The following MCC variants were observed in gnomAD, a reference collection of about 807,000 sequenced individuals.
MCC encodes the protein colorectal mutant cancer protein.
In MCC, 90 loss-of-function variants were observed where a neutral mutation model predicts 116.2. The ratio of observed to expected loss-of-function variants is 0.77; its 90% confidence interval spans 0.65 to 0.92. The LOEUF is 0.92. Among genes scored for constraint, MCC ranks in the 40% least tolerant of loss-of-function variants. MCC has a pLI of 0.00. For synonymous variants in MCC, 578 were observed against 510.5 expected (o/e 1.13, Z -1.78); for missense variants, 1,516 against 1,312.2 (o/e 1.16, Z -2.40).
chr5:113,187,241 T>A (rs1014281790), intron 3 of MCC, among the ~76,000 whole-genome samples: 1 of 152,172 alleles, frequency 6.6e-6, no homozygotes, highest in Non-Finnish European at 1.5e-5. Context: ...CCTGAGCAGT[T>A]GGGATTACAA....
rs747962564 is a variant in MCC at position 113,053,852 on chromosome 5, T to A, written c.2321A>T (p.Lys774Met). Residue 774 changes from lysine to methionine, a missense_variant, in exon 15 of 19, where the codon AAG becomes ATG. Lys to Met is a moderately conservative substitution (Grantham distance 95, BLOSUM62 -1). Transcript: ENST00000408903. ...GCTTTCCAGCTCCAGCATGGTCAGC[T>A]TGACCGCAGCCCTGTCATTCTTGAG... ...QQLKNDRAAVKLTMLELESIH... is the reference protein window; with the variant it reads ...QQLKNDRAAVMLTMLELESIH... The A allele has an allele frequency of 1.2e-6, 2 of 1,614,180 alleles. No individual in the cohort carries two copies. The highest frequency in any genetic ancestry group is 2.2e-5 in the South Asian group (2 of 91,076).
chr5:113,140,179 T>C (rs1042623100), intron 5 of MCC, among the ~76,000 whole-genome samples: 7 of 152,210 alleles, frequency 4.6e-5, no homozygotes, highest in Non-Finnish European at 7.3e-5. Context: ...ATGATGATAT[T>C]TGACCACTTT....
At chr5:113,204,355 T>C (rs1375115821) in intron 3 of MCC, among the ~76,000 whole-genome samples, 1 of 152,210 alleles carries the variant, frequency 6.6e-6, no homozygotes, top group Non-Finnish European at 1.5e-5. Context: ...GAAATACAGA[T>C]TTTTAGTTCT....
intron 2 of MCC, among the ~76,000 whole-genome samples, chr5:113,369,954 C>T (rs1444020211): frequency 1.3e-5 from 2 of 152,108 alleles, no homozygotes; most frequent in Non-Finnish European, 2.9e-5. Flanking sequence ...TATTCATACA[C>T]AGTATGAATG....
intron 3 of MCC, among the ~76,000 whole-genome samples, chr5:113,198,690 A>G (rs116074278): frequency 0.014 from 2,062 of 148,232 alleles, 61 homozygotes; most frequent in African/African-American, 0.05. Flanking sequence ...TGGGTGACAC[A>G]GCAACACCCC....
intron 1 of MCC, among the ~76,000 whole-genome samples, chr5:113,419,490 C>A (rs541099885): frequency 1.1e-4 from 16 of 152,132 alleles, no homozygotes; most frequent in African/African-American, 1.9e-4. Context: ...AGCCACCATA[C>A]CCCGTTGTGA....
intron 3 of MCC, among the ~76,000 whole-genome samples, chr5:113,233,431 T>C (rs1473104814): frequency 6.6e-6 from 1 of 152,180 alleles, no homozygotes; most frequent in Non-Finnish European, 1.5e-5. Context: ...GACCAAGGTA[T>C]TCATACTACC....
chr5:113,402,661 T>G (rs1769725026), intron 1 of MCC, among the ~76,000 whole-genome samples: 1 of 152,182 alleles, frequency 6.6e-6, no homozygotes, highest in South Asian at 2.1e-4. Flanking sequence ...TCTGTCTTAT[T>G]CTACTCACTC....
At position 113,227,756 on chromosome 5, in the gene MCC, C is replaced by A. The variant is rs188890679; in HGVS notation, c.628-76334G>T. ...ATAATACTATAAAGTAGGAGATGGA[C>A]GCCAAACACATTCCATTCCTATAAT... On this transcript the variant is annotated intron_variant, in intron 3 of 18. Coordinates refer to ENST00000408903, the MANE Select transcript of MCC (RefSeq NM_001085377.2). Among the ~76,000 whole-genome samples the A allele has an allele frequency of 2.1e-3, 326 of 152,256 alleles. 2 individuals carry two copies. Among genetic ancestry groups the A allele is most frequent in the Middle Eastern group, 0.01 (3 of 294 alleles).
intron 3 of MCC, among the ~76,000 whole-genome samples, chr5:113,154,549 G>A (rs1161153900): frequency 2.6e-5 from 4 of 152,170 alleles, no homozygotes; most frequent in Non-Finnish European, 2.9e-5. Context: ...GGCACTCCCT[G>A]TCCCACTGCA....
At chr5:113,257,136 G>A (rs1486008634) in intron 3 of MCC, among the ~76,000 whole-genome samples, 2 of 152,086 alleles carry the variant, frequency 1.3e-5, no homozygotes, top group Non-Finnish European at 2.9e-5. Flanking sequence ...AAATTTGTAG[G>A]CAACTGAGGA....
Position 113,271,088 on chromosome 5 carries a change from G to A in MCC, c.627+69431C>T, listed in dbSNP as rs144935176. Among the ~76,000 whole-genome samples, 110 of 152,260 alleles carry A rather than the reference G, an allele frequency of 7.2e-4. 1 individual carries two copies. The highest frequency in any genetic ancestry group is 2.6e-3 in the African/African-American group (107 of 41,544). ...TCACTCAAAATGGGACCCTTAGTGA[G>A]CAAGTATGTTCATGTTAAGACAATA... On this transcript the variant is annotated intron_variant, in intron 3 of 18. Transcript: ENST00000408903.
At chr5:113,074,199 G>T (rs1230046020) in intron 11 of MCC, among the ~76,000 whole-genome samples, 1 of 152,230 alleles carries the variant, frequency 6.6e-6, no homozygotes, top group South Asian at 2.1e-4. Flanking sequence ...GGAAGGATCA[G>T]GCAGCAACAT....
intron 3 of MCC, among the ~76,000 whole-genome samples, chr5:113,339,215 A>G (rs776775661): frequency 2.0e-5 from 3 of 148,362 alleles, no homozygotes; most frequent in Admixed American, 2.0e-4. Context: ...AACAAGAGCG[A>G]AACTCCATCT....
At chr5:113,071,917 G>C (rs1227058799) in intron 11 of MCC, among the ~76,000 whole-genome samples, 1 of 152,158 alleles carries the variant, frequency 6.6e-6, no homozygotes, top group Non-Finnish European at 1.5e-5. Context: ...AGCTGCTTTT[G>C]GGTTACACAG....
chr5:113,134,128 T>A (rs189577593), intron 5 of MCC, among the ~76,000 whole-genome samples: 11 of 152,342 alleles, frequency 7.2e-5, no homozygotes, highest in Admixed American at 7.2e-4. Context: ...GCTTTTGAGG[T>A]CTTACTAAAA....
chr5:113,102,940 C>G (rs977891379), intron 7 of MCC, among the ~76,000 whole-genome samples: 1 of 152,046 alleles, frequency 6.6e-6, no homozygotes. Flanking sequence ...CAGGTGAAAC[C>G]CTGTCTCTAC....
chr5:113,423,168 C>G (rs1331990644), intron 1 of MCC, among the ~76,000 whole-genome samples: 1 of 152,168 alleles, frequency 6.6e-6, no homozygotes, highest in Non-Finnish European at 1.5e-5. Context: ...TATTTAGTGT[C>G]ACGTTTTTCA....
At chr5:113,057,517 G>C (rs1752914546) in intron 14 of MCC, among the ~76,000 whole-genome samples, 1 of 152,194 alleles carries the variant, frequency 6.6e-6, no homozygotes, top group Non-Finnish European at 1.5e-5. Context: ...TGAGAGGGGA[G>C]AAGCAGCAAC....
Sources: gnomAD v4.1 joint callset for allele counts (sites outside exome capture counted in the v4.1 genomes callset) on GRCh38, gnomAD v4.1.1 for gene constraint, MANE v1.5 for transcripts, NCBI Gene and HGNC (gene_info 2026-07-23, HGNC 2026-07-21) for gene names.